TNFSF4: variants seen among roughly 807,000 people sequenced by gnomAD.
TNFSF4 encodes the protein TNF superfamily member 4.
Under a neutral mutation model 7.3 loss-of-function variants are expected in TNFSF4, and 4 were observed. That is an observed-to-expected ratio of 0.55 (90% CI 0.27 to 1.25). The LOEUF is 1.25. Among genes scored for constraint, TNFSF4 ranks in the 50% most tolerant of loss-of-function variants. The probability of loss-of-function intolerance (pLI) is 0.12; values close to 1 mark genes in which losing one functional copy is unlikely to be tolerated. For missense variants in TNFSF4, 181 were observed against 208.8 expected, an observed-to-expected ratio of 0.87 and a Z score of 0.82; for synonymous variants, 76 against 83.7, an observed-to-expected ratio of 0.91 and a Z score of 0.50.
chr1:173,395,420 G>GGAGA, the TNFSF4 span, among the ~76,000 whole-genome samples: 1 of 49,554 alleles, frequency 2.0e-5, no homozygotes, highest in Non-Finnish European at 4.1e-5. Context: ...ATATATATAT[G>GGAGA]GAGAGAGAGA....
At chr1:173,382,939 G>C in the TNFSF4 span, among the ~76,000 whole-genome samples, 1 of 151,854 alleles carries the variant, frequency 6.6e-6, no homozygotes. Flanking sequence ...GAAGTGAGCA[G>C]CTGAAATTTT....
chr1:173,223,641 C>G, the TNFSF4 span, among the ~76,000 whole-genome samples: 3 of 152,166 alleles, frequency 2.0e-5, no homozygotes, highest in Non-Finnish European at 4.4e-5. Flanking sequence ...GTTAGGATAA[C>G]TTTTAATGTC....
the TNFSF4 span, among the ~76,000 whole-genome samples, chr1:173,275,809 G>C: frequency 6.6e-6 from 1 of 152,146 alleles, no homozygotes; most frequent in Admixed American, 6.5e-5. Flanking sequence ...TCCCAGGAAT[G>C]TAAGAATGGG....
chr1:173,391,100 C>A, the TNFSF4 span, among the ~76,000 whole-genome samples: 1 of 151,900 alleles, frequency 6.6e-6, no homozygotes, highest in South Asian at 2.1e-4. Context: ...CCATGTTTTC[C>A]TCTTGCTTAA....
chr1:173,174,645 A>C, the TNFSF4 span: 5 of 152,212 alleles, frequency 3.3e-5, no homozygotes, highest in African/African-American at 1.2e-4. Context: ...AGATCTCATG[A>C]GAACTCACTC....
chr1:173,235,711 A>G, the TNFSF4 span, among the ~76,000 whole-genome samples: 1 of 152,242 alleles, frequency 6.6e-6, no homozygotes, highest in Non-Finnish European at 1.5e-5. Flanking sequence ...TATGAGGTGT[A>G]TAACCTTTTA....
the TNFSF4 span, among the ~76,000 whole-genome samples, chr1:173,359,510 T>TAAA: frequency 0.021 from 2,597 of 121,910 alleles, 152 homozygotes; most frequent in Non-Finnish European, 0.032. Context: ...TTACCAGCTG[T>TAAA]AAAAAAAAAA....
At chr1:173,403,914 AAG>A in the TNFSF4 span, among the ~76,000 whole-genome samples, 1 of 151,996 alleles carries the variant, frequency 6.6e-6, no homozygotes, top group Non-Finnish European at 1.5e-5. Context: ...AAAAAAAAAA[AAG>A]AGAGTTTTCA....
downstream of TNFSF4, among the ~76,000 whole-genome samples, chr1:173,181,665 T>G (rs934332679): frequency 6.6e-6 from 1 of 152,194 alleles, no homozygotes; most frequent in African/African-American, 2.4e-5. Flanking sequence ...CTACTCCAGT[T>G]GTTCCCCAGG....
chr1:173,219,738 G>T, the TNFSF4 span, among the ~76,000 whole-genome samples: 1 of 151,894 alleles, frequency 6.6e-6, no homozygotes, highest in African/African-American at 2.4e-5. Context: ...TGAAATAATG[G>T]CATTTGCAGC....
chr1:173,267,022 T>C, the TNFSF4 span, among the ~76,000 whole-genome samples: 3 of 152,210 alleles, frequency 2.0e-5, no homozygotes, highest in African/African-American at 7.2e-5. Flanking sequence ...CTTATACTCA[T>C]ATGCTTTCCA....
the TNFSF4 span, among the ~76,000 whole-genome samples, chr1:173,403,464 C>G: frequency 6.6e-6 from 1 of 152,192 alleles, no homozygotes; most frequent in African/African-American, 2.4e-5. Context: ...GGATAATTTA[C>G]CTCCCCATGC....
chr1:173,312,997 A>ACAGCCCTGAGCAAGTGG, the TNFSF4 span, among the ~76,000 whole-genome samples: 1 of 152,110 alleles, frequency 6.6e-6, no homozygotes, highest in Non-Finnish European at 1.5e-5. Flanking sequence ...GGACAGATGC[A>ACAGCCCTGAGCAAGTGG]CAGCCCTGAG....
chr1:173,267,304 C>T, the TNFSF4 span, among the ~76,000 whole-genome samples: 48 of 152,064 alleles, frequency 3.2e-4, no homozygotes, highest in Admixed American at 3.1e-3. Context: ...AGATCATCAG[C>T]AACTAAACAA....
the TNFSF4 span, among the ~76,000 whole-genome samples, chr1:173,322,600 T>G: frequency 6.6e-6 from 1 of 152,084 alleles, no homozygotes. Context: ...TTGCCTCACC[T>G]GGGAAGCACA....
the TNFSF4 span, among the ~76,000 whole-genome samples, chr1:173,371,808 T>C: frequency 6.6e-6 from 1 of 152,174 alleles, no homozygotes; most frequent in African/African-American, 2.4e-5. Flanking sequence ...CAAGGATGCC[T>C]TCTTCTGCAT....
chr1:173,198,982 C>T (rs1201164617), intron 1 of TNFSF4, among the ~76,000 whole-genome samples: 1 of 152,106 alleles, frequency 6.6e-6, no homozygotes, highest in Non-Finnish European at 1.5e-5. Flanking sequence ...AAACCAAGTA[C>T]CTAATGCAAA....
the TNFSF4 span, among the ~76,000 whole-genome samples, chr1:173,268,677 A>T: frequency 6.6e-6 from 1 of 152,048 alleles, no homozygotes; most frequent in Non-Finnish European, 1.5e-5. Flanking sequence ...GACTTACACA[A>T]ACTGAAAGAG....
the TNFSF4 span, among the ~76,000 whole-genome samples, chr1:173,323,552 A>T: frequency 6.6e-6 from 1 of 152,228 alleles, no homozygotes; most frequent in Non-Finnish European, 1.5e-5. Context: ...GCTTCAGAAG[A>T]TCAAACTACT....
Sources: allele counts gnomAD v4.1 joint callset (sites outside exome capture counted in the v4.1 genomes callset), GRCh38; gene constraint gnomAD v4.1.1; transcripts MANE v1.5; gene names NCBI Gene and HGNC (gene_info 2026-07-23, HGNC 2026-07-21).